CLNK: variants seen among roughly 807,000 people sequenced by gnomAD.
The protein encoded by CLNK is cytokine dependent hematopoietic cell linker.
Under a neutral mutation model 68.6 loss-of-function variants are expected in CLNK, and 74 were observed. That is an observed-to-expected ratio of 1.08 (90% confidence interval 0.89 to 1.31). The LOEUF (loss-of-function observed/expected upper bound fraction) is 1.31. Ranked by LOEUF, CLNK falls within the 50% of genes most tolerant of loss-of-function variation. CLNK has a pLI of 0.00. For synonymous variants in CLNK, 198 were observed against 172.2 expected, an observed-to-expected ratio of 1.15 and a Z score of -1.17; for missense variants, 553 against 515.3, an observed-to-expected ratio of 1.07 and a Z score of -0.71.
At position 10,540,540 on chromosome 4, in the gene CLNK, G is replaced by T; in HGVS notation, c.556C>A (p.Pro186Thr). The T allele has an allele frequency of 6.2e-7, 1 of 1,613,870 alleles. No homozygotes were observed. The highest frequency in any genetic ancestry group is 8.5e-7 in the Non-Finnish European group (1 of 1,179,826). The change falls in exon 11 of 19, where the codon CCT becomes ACT. Residue 186 changes from proline (P) to threonine (T), a missense_variant. Pro to Thr is a conservative substitution (Grantham distance 38). Coordinates refer to ENST00000226951, the MANE Select transcript of CLNK (RefSeq NM_052964.4). Reference protein sequence around the residue: ...LPPEPESSRPPLSQRHTFPEV... With the variant: ...LPPEPESSRPTLSQRHTFPEV... ...GGAAAGGTGTGTCTCTGAGATAAAG[G>T]TGGCCTGCTGCTCTCCGGCTCAGGG... is the stretch of plus-strand genomic sequence containing the variant.
rs73810304 is a variant in CLNK, at chr4:10,542,192, C to T, written c.471+63G>A. The stretch of plus-strand genomic sequence containing the variant: ...AGAGATATCTGAGTTTTTGCATCAT[C>T]TATATCTCTAGGCTTCTAAAGTAAA... On this transcript the variant is annotated intron_variant, in intron 9 of 18. Transcript: ENST00000226951. The T allele has an allele frequency of 1.0e-3, 1,251 of 1,219,618 alleles. 7 individuals carry two copies. The African/African-American group carries it at 0.017, about 17-fold the overall frequency. 75.5% of individuals were successfully genotyped at this position (1,219,618 alleles called of 1,614,324 possible).
At chr4:10,572,004 C>G (rs1720372084) in intron 4 of CLNK, among the ~76,000 whole-genome samples, 1 of 152,088 alleles carries the variant, frequency 6.6e-6, no homozygotes, top group South Asian at 2.1e-4. Context: ...GAATTCAAAT[C>G]AAACAGTGAC....
intron 8 of CLNK, among the ~76,000 whole-genome samples, chr4:10,543,920 G>A (rs1244456061): frequency 1.3e-5 from 2 of 152,174 alleles, no homozygotes; most frequent in Non-Finnish European, 2.9e-5. Context: ...CAGCAATCTG[G>A]TTAACATTAG....
chr4:10,640,101 C>T lies in CLNK; in HGVS notation c.11+27758G>A, dbSNP rs544833007. On this transcript the variant is annotated intron_variant, in intron 2 of 18. Transcript: ENST00000226951. Reference sequence around the variant, plus strand: ...ATAAGTATGCTTCTTGTTTCTGAAGCCTCTGCCAAAGAGGTTATTTAGGGC... The same window carrying T: ...ATAAGTATGCTTCTTGTTTCTGAAGTCTCTGCCAAAGAGGTTATTTAGGGC... Among the ~76,000 whole-genome samples, 3 of 152,232 alleles carry T rather than the reference C, an allele frequency of 2.0e-5. No homozygotes were observed. In the East Asian group the frequency reaches 5.8e-4, roughly 29 times the overall value.
At chr4:10,699,255 A>ATG in the CLNK span, among the ~76,000 whole-genome samples, 7,709 of 29,716 alleles carry the variant, frequency 0.26, 1,881 homozygotes, top group Non-Finnish European at 0.36. Flanking sequence ...CACACCACGT[A>ATG]TGTGTGTATA....
intron 16 of CLNK, among the ~76,000 whole-genome samples, chr4:10,510,843 C>A (rs550600171): frequency 6.6e-6 from 1 of 152,268 alleles, no homozygotes; most frequent in African/African-American, 2.4e-5. Flanking sequence ...CCTGGAAGGC[C>A]CCACTTCAAG....
chr4:10,509,665 C>T (rs2109034367), intron 16 of CLNK, among the ~76,000 whole-genome samples: 1 of 152,190 alleles, frequency 6.6e-6, no homozygotes, highest in Middle Eastern at 3.4e-3. Context: ...GCTGGGATTA[C>T]AGGCATGTGG....
chr4:10,639,948 A>T (rs1356272873), intron 2 of CLNK, among the ~76,000 whole-genome samples: 1 of 152,224 alleles, frequency 6.6e-6, no homozygotes, highest in Non-Finnish European at 1.5e-5. Context: ...TCAGCTCCAG[A>T]GGTGCCTAAT....
intron 11 of CLNK, among the ~76,000 whole-genome samples, chr4:10,535,266 A>AG (rs1553847851): frequency 3.4e-5 from 5 of 148,460 alleles, no homozygotes; most frequent in Non-Finnish European, 6.0e-5. Context: ...AAAGAAAGAA[A>AG]AAATGGAAAG....
intron 3 of CLNK, among the ~76,000 whole-genome samples, chr4:10,590,998 C>T (rs1721159889): frequency 6.6e-6 from 1 of 152,132 alleles, no homozygotes. Flanking sequence ...TTGGGAGTGC[C>T]ACCGAGTCTG....
intron 1 of CLNK, among the ~76,000 whole-genome samples, chr4:10,684,378 C>T (rs572098463): frequency 6.6e-6 from 1 of 152,280 alleles, no homozygotes; most frequent in South Asian, 2.1e-4. Flanking sequence ...CTTTAGATTT[C>T]AGTTGCAAAC....
the CLNK span, among the ~76,000 whole-genome samples, chr4:10,705,843 C>T: frequency 9.2e-5 from 14 of 152,190 alleles, 1 homozygote; most frequent in East Asian, 7.7e-4. Context: ...ACAGGCACTA[C>T]GCACAAAATC....
intron 8 of CLNK, among the ~76,000 whole-genome samples, chr4:10,556,698 G>T (rs1263977850): frequency 1.3e-5 from 2 of 152,150 alleles, no homozygotes; most frequent in Admixed American, 6.5e-5. Context: ...ATCCCTCAAT[G>T]CTTCCCAACC....
At chr4:10,626,395 T>C (rs1409239241) in intron 2 of CLNK, among the ~76,000 whole-genome samples, 7 of 152,206 alleles carry the variant, frequency 4.6e-5, no homozygotes, top group South Asian at 2.1e-4. Context: ...TTCCTCTGAT[T>C]CTCTTGAATG....
chr4:10,513,180 G>A (rs1189511078), intron 16 of CLNK, among the ~76,000 whole-genome samples: 4 of 145,056 alleles, frequency 2.8e-5, no homozygotes, highest in Non-Finnish European at 4.5e-5. Flanking sequence ...TATAAAACAC[G>A]TGTCTAAATA....
intron 5 of CLNK, among the ~76,000 whole-genome samples, chr4:10,568,197 G>A (rs765487741): frequency 2.6e-5 from 4 of 152,176 alleles, no homozygotes; most frequent in African/African-American, 4.8e-5. Context: ...ATATTATTCA[G>A]CAATGAAAAC....
At chr4:10,656,695 G>A (rs1310278369) in intron 2 of CLNK, 1 of 152,108 alleles carries the variant, frequency 6.6e-6, no homozygotes, top group Non-Finnish European at 1.5e-5. Context: ...AGAAATTTCA[G>A]TCCTAGGAAT....
chr4:10,514,760 T>G (rs1208164480), intron 15 of CLNK, among the ~76,000 whole-genome samples: 2 of 150,974 alleles, frequency 1.3e-5, no homozygotes, highest in African/African-American at 2.4e-5. Flanking sequence ...TGGGATCTAA[T>G]TAAACTAAAG....
At chr4:10,569,756 G>A (rs1577136265) in intron 5 of CLNK, among the ~76,000 whole-genome samples, 6 of 152,310 alleles carry the variant, frequency 3.9e-5, no homozygotes, top group Admixed American at 3.9e-4. Context: ...CATGACTCTT[G>A]ATCTTGCATT....
Sources: allele counts gnomAD v4.1 joint callset (sites outside exome capture counted in the v4.1 genomes callset), GRCh38; gene constraint gnomAD v4.1.1; transcripts MANE v1.5; gene names NCBI Gene and HGNC (gene_info 2026-07-23, HGNC 2026-07-21).